SDK1: variants seen among roughly 807,000 people sequenced by gnomAD.
SDK1 encodes the protein protein sidekick-1.
A neutral mutation model predicts 245.5 loss-of-function variants in SDK1; 157 were observed. The observed-to-expected ratio is 0.64, with a 90% CI of 0.56 to 0.73. The LOEUF (loss-of-function observed/expected upper bound fraction) is 0.73. Among genes scored for constraint, SDK1 ranks in the 30% least tolerant of loss-of-function variants. The pLI is 0.00. For synonymous variants in SDK1, 1,647 were observed against 1,278.5 expected, an observed-to-expected ratio of 1.29 and a Z score of -6.15; for missense variants, 3,583 against 3,002.3, an observed-to-expected ratio of 1.19 and a Z score of -4.52.
intron 1 of SDK1, among the ~76,000 whole-genome samples, chr7:3,561,842 C>T (rs1330397872): frequency 6.6e-6 from 1 of 152,176 alleles, no homozygotes; most frequent in Non-Finnish European, 1.5e-5. Flanking sequence ...TAAGACTGGC[C>T]TTGCATTTGG....
chr7:4,186,236 C>T (rs1163683790), intron 35 of SDK1, among the ~76,000 whole-genome samples: 1 of 152,200 alleles, frequency 6.6e-6, no homozygotes, highest in Non-Finnish European at 1.5e-5. Flanking sequence ...TAGGGGCAGT[C>T]AAGTTCTACC....
At position 4,233,484 on chromosome 7, in the gene SDK1, G is replaced by T; in HGVS notation, c.5992+65G>T. The T allele has an allele frequency of 6.0e-6, 9 of 1,497,382 alleles. No individual in the cohort carries two copies. The South Asian group carries it at 8.3e-5, about 14-fold the overall frequency. The allele number at this position is 1,497,382 out of a possible 1,614,324, so 92.8% of individuals were successfully genotyped here. A position where few individuals can be genotyped will look rare whatever the true frequency, so the allele number is the denominator to read the frequency against. On this transcript the variant is annotated intron_variant, in intron 41 of 44. Transcript: ENST00000404826. ...TAGAGGGAGAAATGGGGTCGAGGGG[G>T]ACCCAGGGAGGTCTGTCTTCTCCTG...
At chr7:3,896,296 C>T (rs780570211) in intron 5 of SDK1, among the ~76,000 whole-genome samples, 3 of 152,160 alleles carry the variant, frequency 2.0e-5, no homozygotes, top group Non-Finnish European at 2.9e-5. Context: ...GAAGTGCTGG[C>T]CTGATGGTTT....
At chr7:4,171,427 C>T (rs1781831550) in intron 32 of SDK1, among the ~76,000 whole-genome samples, 1 of 152,232 alleles carries the variant, frequency 6.6e-6, no homozygotes, top group African/African-American at 2.4e-5. Context: ...ATCTGAATTC[C>T]AGAAGAATCA....
At chr7:4,191,349 G>T (rs1025446356) in intron 35 of SDK1, among the ~76,000 whole-genome samples, 16 of 152,242 alleles carry the variant, frequency 1.1e-4, no homozygotes, top group African/African-American at 3.6e-4. Context: ...GGAGACCTTG[G>T]TGGCGGGCTG....
At chr7:3,799,284 A>T (rs1213408719) in intron 4 of SDK1, among the ~76,000 whole-genome samples, 1 of 152,114 alleles carries the variant, frequency 6.6e-6, no homozygotes, top group East Asian at 1.9e-4. Flanking sequence ...TAGTATCTTT[A>T]GGATCCAGTA....
chr7:3,977,556 C>A (rs548496147), intron 13 of SDK1, among the ~76,000 whole-genome samples: 8 of 152,266 alleles, frequency 5.3e-5, no homozygotes, highest in Non-Finnish European at 7.3e-5. Flanking sequence ...ACTGTCTCTG[C>A]GGTTGGGTGC....
At chr7:3,795,385 A>C (rs1778937499) in intron 4 of SDK1, among the ~76,000 whole-genome samples, 2 of 152,102 alleles carry the variant, frequency 1.3e-5, no homozygotes, top group Admixed American at 6.5e-5. Flanking sequence ...TGCTGGAAGG[A>C]GTCTGATTCA....
At chr7:3,334,180 G>T (rs1221137798) in intron 1 of SDK1, among the ~76,000 whole-genome samples, 5 of 152,196 alleles carry the variant, frequency 3.3e-5, no homozygotes, top group Non-Finnish European at 7.3e-5. Flanking sequence ...TAGAAGGTGG[G>T]AGTAGATTGA....
intron 4 of SDK1, among the ~76,000 whole-genome samples, chr7:3,779,154 A>C (rs1206469701): frequency 1.3e-5 from 2 of 152,228 alleles, no homozygotes; most frequent in African/African-American, 4.8e-5. Context: ...GTGAAAAAAT[A>C]AACACACTAT....
At chr7:3,818,311 G>C (rs539154242) in intron 4 of SDK1, among the ~76,000 whole-genome samples, 5 of 152,142 alleles carry the variant, frequency 3.3e-5, no homozygotes, top group African/African-American at 1.2e-4. Context: ...TTATAATAAG[G>C]CCAGGTAATT....
chr7:3,899,166 G>A (rs1364400625), intron 5 of SDK1, among the ~76,000 whole-genome samples: 1 of 152,200 alleles, frequency 6.6e-6, no homozygotes, highest in Non-Finnish European at 1.5e-5. Flanking sequence ...GGAAAGCAAA[G>A]TTGTTCACCC....
chr7:3,521,630 G>A (rs904070919), intron 1 of SDK1, among the ~76,000 whole-genome samples: 1 of 152,192 alleles, frequency 6.6e-6, no homozygotes, highest in Non-Finnish European at 1.5e-5. Context: ...GGAAGCACGT[G>A]AATTTCGCCC....
intron 22 of SDK1, among the ~76,000 whole-genome samples, chr7:4,106,609 G>C (rs1363309228): frequency 6.6e-6 from 1 of 152,148 alleles, no homozygotes; most frequent in Non-Finnish European, 1.5e-5. Flanking sequence ...CCCCGTTTGT[G>C]ACCGTGCAGT....
intron 1 of SDK1, among the ~76,000 whole-genome samples, chr7:3,493,244 C>T (rs1781918218): frequency 6.6e-6 from 1 of 151,578 alleles, no homozygotes; most frequent in Admixed American, 6.5e-5. Flanking sequence ...AACCACCATG[C>T]CTGGCTGAAG....
chr7:4,134,506 G>A (rs921555965), intron 28 of SDK1, among the ~76,000 whole-genome samples: 4 of 152,226 alleles, frequency 2.6e-5, no homozygotes, highest in African/African-American at 9.6e-5. Flanking sequence ...CCAGGCATCA[G>A]CCTTTTCTGG....
intron 25 of SDK1, among the ~76,000 whole-genome samples, chr7:4,123,865 G>A (rs1365806329): frequency 1.3e-5 from 2 of 152,216 alleles, no homozygotes; most frequent in East Asian, 3.9e-4. Context: ...ATGGTAGGGG[G>A]AGAAGGGAAG....
chr7:3,364,086 A>G (rs75996567), intron 1 of SDK1, among the ~76,000 whole-genome samples: 1 of 152,098 alleles, frequency 6.6e-6, no homozygotes, highest in Admixed American at 6.5e-5. Flanking sequence ...TGTCATCTCT[A>G]TATCCTCTTC....
At chr7:3,480,007 A>T (rs958512218) in intron 1 of SDK1, among the ~76,000 whole-genome samples, 2 of 152,182 alleles carry the variant, frequency 1.3e-5, no homozygotes, top group Non-Finnish European at 2.9e-5. Context: ...GTCCACGCCC[A>T]AAGTAAAGAT....
Sources: gnomAD v4.1 joint callset for allele counts (sites outside exome capture counted in the v4.1 genomes callset) on GRCh38, gnomAD v4.1.1 for gene constraint, MANE v1.5 for transcripts, NCBI Gene and HGNC (gene_info 2026-07-23, HGNC 2026-07-21) for gene names.